CSMD3: variants seen among roughly 807,000 people sequenced by gnomAD.
CSMD3 encodes the protein CUB and sushi domain-containing protein 3.
CSMD3 carries 177 observed loss-of-function variants against 435.2 expected under a neutral mutation model. The observed-to-expected ratio is 0.41, with a 90% CI of 0.36 to 0.46. The LOEUF (loss-of-function observed/expected upper bound fraction) is 0.46. Among genes scored for constraint, CSMD3 ranks in the 20% least tolerant of loss-of-function variants. The probability of loss-of-function intolerance (pLI) is 0.34; values close to 1 mark genes in which losing one functional copy is unlikely to be tolerated. For synonymous variants in CSMD3, 1,656 were observed against 1,520.5 expected (o/e 1.09, Z -2.07); for missense variants, 4,265 against 4,504.6 (o/e 0.95, Z 1.52).
At chr8:112,531,906 G>T (rs994122379) in intron 27 of CSMD3, among the ~76,000 whole-genome samples, 2 of 152,068 alleles carry the variant, frequency 1.3e-5, no homozygotes, top group African/African-American at 4.8e-5. Flanking sequence ...ACCTTGGAGT[G>T]CCCGAGATAT....
chr8:112,348,694 C>G (rs970303373), intron 40 of CSMD3, among the ~76,000 whole-genome samples: 2 of 151,920 alleles, frequency 1.3e-5, no homozygotes, highest in African/African-American at 4.8e-5. Flanking sequence ...GTCAGGAGTT[C>G]GAGACCAGCA....
At chr8:112,950,222 C>A (rs113136832) in intron 8 of CSMD3, among the ~76,000 whole-genome samples, 3 of 151,828 alleles carry the variant, frequency 2.0e-5, no homozygotes, top group African/African-American at 7.3e-5. Context: ...GACAATACCA[C>A]CTTATATTTG....
chr8:113,056,669 C>T lies in CSMD3; in HGVS notation c.918-37490G>A, dbSNP rs909197849. 3.3e-5 allele frequency among the ~76,000 whole-genome samples: 5 copies of T among 152,288 alleles called. No individual in the cohort carries two copies. The South Asian group carries it at 1.0e-3, about 32-fold the overall frequency. On this transcript the variant is annotated intron_variant, in intron 5 of 70. Coordinates refer to ENST00000297405, the MANE Select transcript of CSMD3 (RefSeq NM_198123.2). ...GCCATTTGCAAATCCTCTTCTGCTT[C>T]CAAAATGCATCTGATTTTGTTTTAC...
intron 4 of CSMD3, among the ~76,000 whole-genome samples, chr8:113,152,438 C>T (rs925915139): frequency 4.6e-5 from 7 of 152,042 alleles, no homozygotes; most frequent in African/African-American, 1.4e-4. Flanking sequence ...TCAGTATACA[C>T]ATATTCACAC....
At chr8:112,977,703 A>T (rs1213944217) in intron 6 of CSMD3, among the ~76,000 whole-genome samples, 1 of 152,082 alleles carries the variant, frequency 6.6e-6, no homozygotes. Flanking sequence ...CCAAAAGTAA[A>T]TGAGGTATGA....
intron 41 of CSMD3, among the ~76,000 whole-genome samples, chr8:112,345,001 TG>T (rs1197369321): frequency 6.6e-6 from 1 of 152,124 alleles, no homozygotes. Flanking sequence ...AAATTTAGGT[TG>T]AATTTATCAT....
chr8:112,583,228 G>A (rs559609176), intron 23 of CSMD3, among the ~76,000 whole-genome samples: 36 of 152,118 alleles, frequency 2.4e-4, no homozygotes, highest in Middle Eastern at 6.8e-3. Context: ...ACTCTACTTC[G>A]TCCTTGAGTA....
chr8:113,045,144 T>C (rs2087775744), intron 5 of CSMD3, among the ~76,000 whole-genome samples: 1 of 149,108 alleles, frequency 6.7e-6, no homozygotes, highest in Non-Finnish European at 1.5e-5. Context: ...ATCCATACAC[T>C]CTTTAAATCT....
chr8:113,289,363 A>G (rs2093668597), intron 2 of CSMD3, among the ~76,000 whole-genome samples: 1 of 151,710 alleles, frequency 6.6e-6, no homozygotes, highest in South Asian at 2.1e-4. Flanking sequence ...AGTACATGCT[A>G]TTGTGTTCTA....
At chr8:112,771,370 C>G (rs1416037083) in intron 13 of CSMD3, among the ~76,000 whole-genome samples, 2 of 151,894 alleles carry the variant, frequency 1.3e-5, no homozygotes, top group South Asian at 2.1e-4. Context: ...AAAACTCTAT[C>G]TCTACTAAAA....
intron 10 of CSMD3, among the ~76,000 whole-genome samples, chr8:112,901,560 A>G (rs2082109744): frequency 6.6e-6 from 1 of 151,322 alleles, no homozygotes; most frequent in Non-Finnish European, 1.5e-5. Context: ...AAGTAAATAC[A>G]CATGGCTCTG....
At chr8:112,929,368 A>C (rs1180659600) in intron 9 of CSMD3, among the ~76,000 whole-genome samples, 1 of 103,416 alleles carries the variant, frequency 9.7e-6, no homozygotes, top group Non-Finnish European at 2.0e-5. Flanking sequence ...CCTAAAACTT[A>C]AAGCATAATA....
intron 11 of CSMD3, among the ~76,000 whole-genome samples, chr8:112,834,985 T>G (rs2132503823): frequency 6.6e-6 from 1 of 152,006 alleles, no homozygotes; most frequent in South Asian, 2.1e-4. Flanking sequence ...CTTGATTTTT[T>G]TAAACCAAGT....
intron 6 of CSMD3, among the ~76,000 whole-genome samples, chr8:113,008,362 T>C (rs1044225906): frequency 6.6e-5 from 10 of 151,856 alleles, no homozygotes; most frequent in African/African-American, 2.4e-4. Flanking sequence ...AGTGTATTTA[T>C]GTGATTTTTG....
chr8:113,168,020 C>G (rs2092187238), intron 4 of CSMD3, among the ~76,000 whole-genome samples: 1 of 152,046 alleles, frequency 6.6e-6, no homozygotes, highest in Admixed American at 6.6e-5. Context: ...ATGCTTCAAT[C>G]CTCGAAAAGA....
intron 10 of CSMD3, among the ~76,000 whole-genome samples, chr8:112,900,369 CTCTCT>C (rs1422734833): frequency 3.5e-4 from 53 of 151,266 alleles, no homozygotes; most frequent in Non-Finnish European, 5.9e-5. Flanking sequence ...AGATGTGTCT[CTCTCT>C]AGAGTCTGGA....
intron 47 of CSMD3, among the ~76,000 whole-genome samples, chr8:112,315,965 A>AT (rs1471568164): frequency 5.3e-5 from 8 of 151,956 alleles, no homozygotes; most frequent in African/African-American, 1.9e-4. Flanking sequence ...GAACTTATAT[A>AT]TTCATAGTGT....
chr8:112,325,493 C>T (rs958842717), intron 45 of CSMD3, among the ~76,000 whole-genome samples: 1 of 151,996 alleles, frequency 6.6e-6, no homozygotes, highest in African/African-American at 2.4e-5. Context: ...TTTTCTTATA[C>T]TAGAATGTAA....
At chr8:113,131,742 G>A (rs2091289225) in intron 4 of CSMD3, among the ~76,000 whole-genome samples, 1 of 152,160 alleles carries the variant, frequency 6.6e-6, no homozygotes, top group African/African-American at 2.4e-5. Flanking sequence ...TAAAACTGTA[G>A]ATCCACCAAC....
Sources: gnomAD v4.1 joint callset for allele counts (sites outside exome capture counted in the v4.1 genomes callset) on GRCh38, gnomAD v4.1.1 for gene constraint, MANE v1.5 for transcripts, NCBI Gene and HGNC (gene_info 2026-07-23, HGNC 2026-07-21) for gene names.